The following WDR25 variants were observed in gnomAD, a reference collection of about 807,000 sequenced individuals.
WDR25 encodes WD repeat domain 25.
A neutral mutation model predicts 47.7 loss-of-function variants in WDR25; 35 were observed. That is an observed-to-expected ratio of 0.73 (90% CI 0.56 to 0.97). The LOEUF (loss-of-function observed/expected upper bound fraction) is 0.97. WDR25 is among the 50% of genes least tolerant of loss of function. WDR25 has a pLI of 0.00. For synonymous variants in WDR25, 248 were observed against 278.9 expected (o/e 0.89, Z 1.10); for missense variants, 634 against 704.7 (o/e 0.90, Z 1.14).
At chr14:100,437,946 T>A (rs1898551425) in intron 2 of WDR25, among the ~76,000 whole-genome samples, 1 of 152,186 alleles carries the variant, frequency 6.6e-6, no homozygotes, top group Non-Finnish European at 1.5e-5. Context: ...CACACCATTG[T>A]TTTCGCAAAA....
rs1037838839 is a variant in WDR25 at position 100,404,418 on chromosome 14, C to T, written c.822+22672C>T. On this transcript the variant is annotated intron_variant, in intron 2 of 6. Coordinates refer to ENST00000402312, the MANE Select transcript of WDR25 (RefSeq NM_001161476.3). The surrounding 1 kb of genome is among the most constrained non-coding windows in gnomAD (Gnocchi z 4.6). ...GGCAGTGAGGGCCTGGTCTCAAAAG[C>T]TGGGTTTACCACTGACAGTGTCATT... Among the ~76,000 whole-genome samples, 2 of 152,350 alleles carry T rather than the reference C, an allele frequency of 1.3e-5. No individual in the cohort carries two copies. The highest frequency in any genetic ancestry group is 3.4e-3 in the Middle Eastern group (1 of 294).
chr14:100,457,871 A>G (rs1413049841), intron 2 of WDR25, among the ~76,000 whole-genome samples: 1 of 152,230 alleles, frequency 6.6e-6, no homozygotes, highest in Non-Finnish European at 1.5e-5. Context: ...GTAGTCTGTG[A>G]TAAGCTAAAG....
chr14:100,417,528 C>T (rs1897902943), intron 2 of WDR25, among the ~76,000 whole-genome samples: 1 of 152,218 alleles, frequency 6.6e-6, no homozygotes, highest in South Asian at 2.1e-4. Flanking sequence ...CCACTCTTCC[C>T]TGGTGGCTCC....
At position 100,529,697 on chromosome 14, in the gene WDR25, C is replaced by A; in HGVS notation, c.1414-123C>A. The stretch of plus-strand genomic sequence containing the variant: ...GACCTGGGCTTTGGCCTCAGGGACA[C>A]GAGGTGCGAAGCCCAGCTCTGCTCC... On this transcript the variant is annotated intron_variant, in intron 6 of 6. Coordinates refer to ENST00000402312, the MANE Select transcript of WDR25 (RefSeq NM_001161476.3). The surrounding 1 kb of genome is among the most constrained non-coding windows in gnomAD (Gnocchi z 5.1). The A allele has an allele frequency of 1.8e-6, 2 of 1,121,416 alleles. No individual in the cohort carries two copies. Among genetic ancestry groups the A allele is most frequent in the South Asian group, 1.5e-5 (1 of 65,500 alleles). 69.5% of individuals were successfully genotyped at this position (1,121,416 alleles called of 1,614,324 possible).
rs750686573 is a variant in WDR25 at position 100,529,192 on chromosome 14, G to A, written c.1397G>A (p.Arg466His). Residue 466 changes from arginine (R) to histidine (H), a missense_variant, in exon 6 of 7, where the codon CGC (arginine) becomes CAC (histidine). Arg to His is a conservative substitution (Grantham distance 29, BLOSUM62 0). Transcript: ENST00000402312. This position sits in a 1 kb window ranked among gnomAD's most constrained non-coding sequence, Gnocchi z 5.1. ...VWPYRMSRRR[R>H]YEGHKVEGYS... ...CCCTACCGGATGAGCAGACGGCGGCGCTATGAAGGGCACAAGGTACTTCTG... is the reference window on the plus strand; with the variant it reads ...CCCTACCGGATGAGCAGACGGCGGCACTATGAAGGGCACAAGGTACTTCTG... 4 of 1,613,424 alleles carry A rather than the reference G, an allele frequency of 2.5e-6. No homozygotes were observed. The highest frequency in any genetic ancestry group is 1.1e-5 in the South Asian group (1 of 91,076).
Position 100,425,837 on chromosome 14 carries a change from C to A in WDR25, c.823-42184C>A, listed in dbSNP as rs138564088. Among the ~76,000 whole-genome samples, 690 of 152,298 alleles carry A rather than the reference C, an allele frequency of 4.5e-3. 5 individuals are homozygous for A. Among genetic ancestry groups the A allele is most frequent in the African/African-American group, 0.016 (672 of 41,570 alleles). On this transcript the variant is annotated intron_variant, in intron 2 of 6. Transcript: ENST00000402312. The surrounding 1 kb of genome is among the most constrained non-coding windows in gnomAD (Gnocchi z 4.8). ...AAAGCAATTTCAGCTTGGTTTCAGGCACAGATATGCAGCCAGGGAAATCAC... is the reference window on the plus strand; with the variant it reads ...AAAGCAATTTCAGCTTGGTTTCAGGAACAGATATGCAGCCAGGGAAATCAC...
At position 100,377,460 on chromosome 14, in the gene WDR25, C is replaced by T. The variant is rs968668964; in HGVS notation, c.-16+965C>T. Among the ~76,000 whole-genome samples, 11 of 149,698 alleles carry T rather than the reference C, an allele frequency of 7.3e-5. No individual in the cohort carries two copies. In the East Asian group the frequency reaches 2.0e-3, roughly 27 times the overall value. On this transcript the variant is annotated intron_variant, in intron 1 of 6. Transcript: ENST00000402312. ...GATTACAGGCGCGCACCACTGCACACGGCTAAATTTTTTTTTTTTTTGTAT... is the reference window on the plus strand; with the variant it reads ...GATTACAGGCGCGCACCACTGCACATGGCTAAATTTTTTTTTTTTTTGTAT...
Position 100,468,304 on chromosome 14 carries a change from C to T in WDR25, c.970+136C>T, listed in dbSNP as rs1369841399. 1.8e-5 allele frequency: 23 copies of T among 1,314,112 alleles called. No homozygotes were observed. The highest frequency in any genetic ancestry group is 7.2e-5 in the East Asian group (3 of 41,478). The allele number at this position is 1,314,112 out of a possible 1,614,324, so 81.4% of individuals were successfully genotyped here. Reference sequence around the variant, plus strand: ...AGGGGCCTCAGGGTGGGCTCGTGCTCGGTGAGAGGGCTTCCAGACTGCTTG... The same window carrying T: ...AGGGGCCTCAGGGTGGGCTCGTGCTTGGTGAGAGGGCTTCCAGACTGCTTG... On this transcript the variant is annotated intron_variant, in intron 3 of 6. Transcript: ENST00000402312. The surrounding 1 kb of genome is among the most constrained non-coding windows in gnomAD (Gnocchi z 4.5).
rs1462111283 is a variant in WDR25, at chr14:100,425,398, G to A, written c.823-42623G>A. Among the ~76,000 whole-genome samples, 2 of 152,254 alleles carry A rather than the reference G, an allele frequency of 1.3e-5. No homozygotes were observed. The highest frequency in any genetic ancestry group is 4.8e-5 in the African/African-American group (2 of 41,466). Reference sequence around the variant, plus strand: ...GGGTGGATATACAAATGTTGCCATAGGTTGCAGAGCTAAAAATTAGGGAGG... The same window carrying A: ...GGGTGGATATACAAATGTTGCCATAAGTTGCAGAGCTAAAAATTAGGGAGG... On this transcript the variant is annotated intron_variant, in intron 2 of 6. Coordinates refer to ENST00000402312, the MANE Select transcript of WDR25 (RefSeq NM_001161476.3). The surrounding 1 kb of genome is among the most constrained non-coding windows in gnomAD (Gnocchi z 4.8).
At chr14:100,439,718 C>T (rs886443515) in intron 2 of WDR25, among the ~76,000 whole-genome samples, 2 of 152,208 alleles carry the variant, frequency 1.3e-5, no homozygotes, top group Non-Finnish European at 2.9e-5. Flanking sequence ...TTGTGCTCAG[C>T]TTAACTCTTT....
intron 2 of WDR25, among the ~76,000 whole-genome samples, chr14:100,418,260 C>T (rs1255091238): frequency 1.3e-5 from 2 of 150,734 alleles, no homozygotes; most frequent in African/African-American, 4.9e-5. Flanking sequence ...CGTCTTATAT[C>T]CACACTGCCT....
chr14:100,405,257 G>A (rs144201866), intron 2 of WDR25, among the ~76,000 whole-genome samples: 1 of 151,584 alleles, frequency 6.6e-6, no homozygotes, highest in African/African-American at 2.4e-5. Context: ...TGCCTCCCGG[G>A]TTCAAAGGAT....
chr14:100,405,563 A>G (rs563889392), intron 2 of WDR25, among the ~76,000 whole-genome samples: 4 of 152,318 alleles, frequency 2.6e-5, no homozygotes, highest in African/African-American at 4.8e-5. Context: ...ACTCTGTTAT[A>G]TGTCTTCACT....
chr14:100,444,261 T>C (rs964349012), intron 2 of WDR25, among the ~76,000 whole-genome samples: 2 of 152,126 alleles, frequency 1.3e-5, no homozygotes, highest in African/African-American at 4.8e-5. Context: ...GCCTCACTGG[T>C]GCTGATGGAA....
chr14:100,457,323 A>G (rs1162181520), intron 2 of WDR25, among the ~76,000 whole-genome samples: 3 of 152,212 alleles, frequency 2.0e-5, no homozygotes. Flanking sequence ...AACAAGGCAC[A>G]TTACATACAG....
intron 4 of WDR25, among the ~76,000 whole-genome samples, chr14:100,497,347 T>G (rs1900766144): frequency 6.6e-6 from 1 of 152,192 alleles, no homozygotes; most frequent in Non-Finnish European, 1.5e-5. Flanking sequence ...GCTATAGTTG[T>G]GAATTTGTGT....
chr14:100,521,203 CAG>C lies in WDR25; in HGVS notation c.1102-4653_1102-4652del, dbSNP rs1555397228. Among the ~76,000 whole-genome samples the C allele has an allele frequency of 4.7e-4, 70 of 149,922 alleles. 1 individual carries two copies. Among genetic ancestry groups the C allele is most frequent in the African/African-American group, 1.4e-3 (58 of 40,744 alleles). ...AGACACACACACACACACACACACACAGAGAGAGAGAGAGACAGAGAGAGAAT... is the reference window on the plus strand; with the variant it reads ...AGACACACACACACACACACACACACAGAGAGAGAGAGACAGAGAGAGAAT... On this transcript the variant is annotated intron_variant, in intron 4 of 6. Transcript: ENST00000402312.
chr14:100,456,606 G>GAAA (rs1899212885), intron 2 of WDR25, among the ~76,000 whole-genome samples: 1 of 152,176 alleles, frequency 6.6e-6, no homozygotes, highest in South Asian at 2.1e-4. Flanking sequence ...AGTCTTCAGT[G>GAAA]AAAAACACAG....
At chr14:100,503,083 G>T (rs538856486) in intron 4 of WDR25, among the ~76,000 whole-genome samples, 2 of 151,708 alleles carry the variant, frequency 1.3e-5, no homozygotes, top group African/African-American at 4.8e-5. Flanking sequence ...GTGTGCATGC[G>T]CATTCAGAGG....
Sources: allele counts gnomAD v4.1 joint callset (sites outside exome capture counted in the v4.1 genomes callset), GRCh38; gene constraint gnomAD v4.1.1; non-coding constraint Gnocchi (gnomAD v3.1); transcripts MANE v1.5; gene names NCBI Gene and HGNC (gene_info 2026-07-23, HGNC 2026-07-21).